The following FGF14 variants were observed in gnomAD, a reference collection of about 807,000 sequenced individuals.
FGF14 encodes the protein fibroblast growth factor homologous factor 4.
Under a neutral mutation model 25.5 loss-of-function variants are expected in FGF14, and 5 were observed. The ratio of observed to expected loss-of-function variants is 0.20; its 90% confidence interval spans 0.10 to 0.41. The LOEUF is 0.41. Ranked by LOEUF, FGF14 falls within the 10% of genes least tolerant of loss-of-function variation. The pLI, the probability that FGF14 is intolerant of heterozygous loss-of-function variation, is 1.00. For synonymous variants in FGF14, 138 were observed against 118.3 expected, an observed-to-expected ratio of 1.17 and a Z score of -1.08; for missense variants, 222 against 320.1, an observed-to-expected ratio of 0.69 and a Z score of 2.34.
intron 3 of FGF14, among the ~76,000 whole-genome samples, chr13:101,834,509 T>C (rs1483611694): frequency 6.6e-6 from 1 of 152,062 alleles, no homozygotes; most frequent in Non-Finnish European, 1.5e-5. Context: ...CCCACTTATA[T>C]GTGCTAAGTG....
intron 1 of FGF14, among the ~76,000 whole-genome samples, chr13:102,331,532 A>T (rs1209138048): frequency 6.6e-6 from 1 of 152,216 alleles, no homozygotes; most frequent in Non-Finnish European, 1.5e-5. Context: ...AATGATGTGA[A>T]GAGACCTAAA....
chr13:102,255,607 G>A (rs560899809), intron 1 of FGF14, among the ~76,000 whole-genome samples: 2 of 152,230 alleles, frequency 1.3e-5, no homozygotes, highest in Non-Finnish European at 2.9e-5. Flanking sequence ...TTATAAATGA[G>A]GCAAGATTAC....
intron 3 of FGF14, among the ~76,000 whole-genome samples, chr13:101,770,792 A>C (rs1927713): frequency 1 from 152,165 of 152,170 alleles, 76,080 homozygotes; most frequent in Non-Finnish European, 1. Context: ...CACTGCATTT[A>C]TAAACAACCT....
intron 3 of FGF14, among the ~76,000 whole-genome samples, chr13:101,856,563 T>C (rs1166887741): frequency 6.6e-6 from 1 of 151,982 alleles, no homozygotes; most frequent in Non-Finnish European, 1.5e-5. Context: ...CAGAGTTGCA[T>C]AATTTTGTTA....
chr13:102,359,526 C>A (rs149500532), intron 1 of FGF14, among the ~76,000 whole-genome samples: 2 of 152,044 alleles, frequency 1.3e-5, no homozygotes, highest in East Asian at 3.8e-4. Flanking sequence ...TTTCTTTCTG[C>A]GTAACACCAG....
chr13:102,006,726 TC>T (rs1300321934), intron 1 of FGF14, among the ~76,000 whole-genome samples: 24 of 127,548 alleles, frequency 1.9e-4, no homozygotes, highest in Middle Eastern at 3.8e-3. Flanking sequence ...AAATCTTACT[TC>T]TTTTTTTTTT....
intron 1 of FGF14, among the ~76,000 whole-genome samples, chr13:102,101,530 TA>T: frequency 6.6e-6 from 1 of 152,266 alleles, no homozygotes; most frequent in Admixed American, 6.5e-5. Flanking sequence ...ATAATTATGG[TA>T]CAACTTTTAA....
chr13:101,714,581 A>C lies in FGF14; in HGVS notation c.*8250T>G. ...AGTATTAACCTTTTCTAATTGCTCT[A>C]TGCCACAGTTTGTTATAGAGCCAAG... On this transcript the variant is annotated 3_prime_UTR_variant, in exon 5 of 5. Coordinates refer to ENST00000376143, the MANE Select transcript of FGF14 (RefSeq NM_004115.4). 1 of 1,302,296 alleles carries C rather than the reference A, an allele frequency of 7.7e-7. No individual in the cohort carries two copies. The highest frequency in any genetic ancestry group is 1.2e-5 in the South Asian group (1 of 84,494). The allele number at this position is 1,302,296 out of a possible 1,614,324, so 80.7% of individuals were successfully genotyped here. A position where few individuals can be genotyped will look rare whatever the true frequency, so the allele number is the denominator to read the frequency against.
At chr13:102,088,060 T>C (rs1701813080) in intron 1 of FGF14, among the ~76,000 whole-genome samples, 2 of 152,338 alleles carry the variant, frequency 1.3e-5, no homozygotes, top group South Asian at 2.1e-4. Context: ...TTCATATCTA[T>C]CTTATGAATT....
At chr13:102,104,091 T>A (rs1283045044) in intron 1 of FGF14, among the ~76,000 whole-genome samples, 1 of 152,220 alleles carries the variant, frequency 6.6e-6, no homozygotes, top group Non-Finnish European at 1.5e-5. Context: ...AGTACATTTA[T>A]CTTCAGTAAC....
At chr13:102,103,942 C>T (rs1172501480) in intron 1 of FGF14, among the ~76,000 whole-genome samples, 1 of 152,162 alleles carries the variant, frequency 6.6e-6, no homozygotes, top group African/African-American at 2.4e-5. Flanking sequence ...TCTTATTTCT[C>T]CAACTTCCTG....
intron 3 of FGF14, among the ~76,000 whole-genome samples, chr13:101,774,198 A>G (rs975795054): frequency 6.6e-6 from 1 of 152,144 alleles, no homozygotes; most frequent in African/African-American, 2.4e-5. Flanking sequence ...GTCTCCAAAT[A>G]TTTGAAGAAC....
At chr13:102,331,067 C>A (rs1465746717) in intron 1 of FGF14, among the ~76,000 whole-genome samples, 2 of 152,130 alleles carry the variant, frequency 1.3e-5, no homozygotes, top group African/African-American at 4.8e-5. Context: ...AACCTCACTG[C>A]AATTCAGTTT....
intron 1 of FGF14, among the ~76,000 whole-genome samples, chr13:101,950,463 G>A (rs2036086924): frequency 6.6e-6 from 1 of 152,122 alleles, no homozygotes; most frequent in Admixed American, 6.6e-5. Context: ...TAGAAAGCAT[G>A]CCTTTTACTG....
intron 1 of FGF14, among the ~76,000 whole-genome samples, chr13:102,241,551 C>T (rs968895938): frequency 1.3e-5 from 2 of 152,148 alleles, no homozygotes; most frequent in African/African-American, 4.8e-5. Flanking sequence ...CTAACAAAGA[C>T]AGCTCAGAAT....
intron 1 of FGF14, among the ~76,000 whole-genome samples, chr13:101,996,323 T>C (rs2039184765): frequency 2.6e-5 from 4 of 152,200 alleles, no homozygotes. Flanking sequence ...GAGCATTGTG[T>C]TGATGGAGAA....
At chr13:101,885,154 C>T (rs1046350416) in intron 1 of FGF14, among the ~76,000 whole-genome samples, 3 of 152,086 alleles carry the variant, frequency 2.0e-5, no homozygotes, top group African/African-American at 7.2e-5. Context: ...GCACGCAGTC[C>T]AGGGCTATTT....
At chr13:101,898,341 A>AACACACACACACACACACACACAC (rs55676818) in intron 1 of FGF14, among the ~76,000 whole-genome samples, 7 of 144,372 alleles carry the variant, frequency 4.8e-5, no homozygotes, top group African/African-American at 1.8e-4. Flanking sequence ...TGAAACATAC[A>AACACACACACACACACACACACAC]ACACACACAC....
chr13:101,731,666 C>T (rs2035822269), intron 3 of FGF14, among the ~76,000 whole-genome samples: 1 of 152,152 alleles, frequency 6.6e-6, no homozygotes, highest in Non-Finnish European at 1.5e-5. Context: ...GGAAGGAGCT[C>T]TCCTTCCATA....
Sources: gnomAD v4.1 joint callset for allele counts (sites outside exome capture counted in the v4.1 genomes callset) on GRCh38, gnomAD v4.1.1 for gene constraint, MANE v1.5 for transcripts, NCBI Gene and HGNC (gene_info 2026-07-23, HGNC 2026-07-21) for gene names.